The following HMGB1 variants were observed in gnomAD, a reference collection of about 807,000 sequenced individuals.
The protein encoded by HMGB1 is high mobility group box 1, also known as high mobility group protein B1.
For synonymous variants in HMGB1, 81 were observed against 84.0 expected (o/e 0.96, Z 0.19); for missense variants, 79 against 253.5 (o/e 0.31, Z 4.67).
At chr13:30,542,115 T>G (rs1429577971) in intron 1 of HMGB1, 1 of 153,772 alleles carries the variant, frequency 6.5e-6, no homozygotes, top group Non-Finnish European at 1.5e-5. Flanking sequence ...TCCAGAGTAG[T>G]GCGGCCCCGC....
At chr13:30,513,088 G>A (rs1888028015) in intron 1 of HMGB1, among the ~76,000 whole-genome samples, 1 of 152,092 alleles carries the variant, frequency 6.6e-6, no homozygotes, top group African/African-American at 2.4e-5. Context: ...GCTTGAACCT[G>A]GGAGGCAGAG....
At chr13:30,615,297 A>T (rs1253984477) in intron 1 of HMGB1, among the ~76,000 whole-genome samples, 1 of 152,232 alleles carries the variant, frequency 6.6e-6, no homozygotes, top group Non-Finnish European at 1.5e-5. Context: ...TGTTGCCAAA[A>T]ATATGAATAC....
chr13:30,465,607 C>G (rs1886736543), intron 1 of HMGB1, among the ~76,000 whole-genome samples, 189 bp downstream of exon 1: 1 of 151,434 alleles, frequency 6.6e-6, no homozygotes, highest in African/African-American at 2.4e-5. Context: ...GCCGGGGCAC[C>G]GGCGCGGGGC....
rs553654408 is a variant in HMGB1, at chr13:30,463,675, G to A, written c.6C>T (p.Gly2=). Residue 2 remains glycine, a synonymous_variant, in exon 2 of 5, where the codon GGC becomes GGT. Coordinates refer to ENST00000341423, the MANE Select transcript of HMGB1 (RefSeq NM_002128.7). M[G]KGDPKKPRGK... is the part of the protein sequence containing the mutation. ...CTCTCGGCTTCTTAGGATCTCCTTT[G>A]CCCATGTTTAGTTATTTTTCTAAAA... 15 of 1,552,562 alleles carry A rather than the reference G, an allele frequency of 9.7e-6. No individual in the cohort carries two copies. The highest frequency in any genetic ancestry group is 1.4e-5 in the African/African-American group (1 of 72,456).
chr13:30,492,921 G>T (rs1412525658), intron 1 of HMGB1, among the ~76,000 whole-genome samples: 1 of 150,826 alleles, frequency 6.6e-6, no homozygotes, highest in Non-Finnish European at 1.5e-5. Context: ...AACCTGGGAG[G>T]GGGAGGTTGC....
At chr13:30,586,382 T>G (rs2137547802) in intron 1 of HMGB1, among the ~76,000 whole-genome samples, 1 of 152,292 alleles carries the variant, frequency 6.6e-6, no homozygotes, top group Middle Eastern at 3.4e-3. Context: ...TGAACCTAGT[T>G]TTTTTCTCCC....
At chr13:30,473,962 T>C (rs1887007951) in intron 1 of HMGB1, among the ~76,000 whole-genome samples, 1 of 152,180 alleles carries the variant, frequency 6.6e-6, no homozygotes, top group South Asian at 2.1e-4. Flanking sequence ...AGGCCACATA[T>C]TGTATGATTC....
chr13:30,610,925 C>A (rs1330319773), intron 1 of HMGB1, among the ~76,000 whole-genome samples: 1 of 152,098 alleles, frequency 6.6e-6, no homozygotes, highest in Non-Finnish European at 1.5e-5. Flanking sequence ...AATCTGTTTT[C>A]ATTATTCATT....
intron 1 of HMGB1, among the ~76,000 whole-genome samples, chr13:30,600,509 T>C (rs1465505328): frequency 6.6e-6 from 1 of 152,184 alleles, no homozygotes; most frequent in South Asian, 2.1e-4. Context: ...CTGCTAGGAA[T>C]CAAGTATTCT....
intron 1 of HMGB1, among the ~76,000 whole-genome samples, chr13:30,545,021 TTC>T (rs1215353773): frequency 5.3e-5 from 8 of 152,236 alleles, no homozygotes; most frequent in Non-Finnish European, 1.0e-4. Context: ...TTGCAATATC[TTC>T]TCTCTTAAAA....
chr13:30,558,999 T>G (rs757943159), intron 1 of HMGB1, among the ~76,000 whole-genome samples: 5 of 152,242 alleles, frequency 3.3e-5, no homozygotes, highest in Non-Finnish European at 5.9e-5. Context: ...TGACTCACAG[T>G]AGGTGTTCAG....
chr13:30,538,786 T>TTTTTCTTTC, intron 1 of HMGB1, among the ~76,000 whole-genome samples: 1 of 47,298 alleles, frequency 2.1e-5, no homozygotes, highest in African/African-American at 7.9e-5. Context: ...TCCTTCTTTC[T>TTTTTCTTTC]TTTTCTTTCT....
intron 1 of HMGB1, chr13:30,554,247 T>C: frequency 2.1e-6 from 3 of 1,428,020 alleles, no homozygotes; most frequent in Non-Finnish European, 3.0e-6. Flanking sequence ...GCTTCATTTC[T>C]CAATTTCTTG....
chr13:30,466,829 A>G (rs1886801677), upstream of HMGB1, among the ~76,000 whole-genome samples: 1 of 152,194 alleles, frequency 6.6e-6, no homozygotes, highest in South Asian at 2.1e-4. Context: ...TTCATTAGAG[A>G]CCACATTCTA....
intron 1 of HMGB1, among the ~76,000 whole-genome samples, chr13:30,577,326 T>C (rs1484360824): frequency 1.4e-5 from 2 of 140,452 alleles, no homozygotes; most frequent in Non-Finnish European, 3.0e-5. Flanking sequence ...GGTGACAGCA[T>C]GAGACCCAGT....
At chr13:30,513,805 C>T (rs1258473085) in intron 1 of HMGB1, among the ~76,000 whole-genome samples, 1 of 152,214 alleles carries the variant, frequency 6.6e-6, no homozygotes, top group Non-Finnish European at 1.5e-5. Context: ...AAAGGCCCCA[C>T]TTCTCAATAC....
chr13:30,504,843 T>G (rs1015927428), intron 1 of HMGB1, among the ~76,000 whole-genome samples: 1 of 150,842 alleles, frequency 6.6e-6, no homozygotes, highest in African/African-American at 2.4e-5. Flanking sequence ...ACCAGCAGTG[T>G]TCCTACAAAA....
At chr13:30,612,634 AAAGT>A (rs1950523051) in intron 1 of HMGB1, among the ~76,000 whole-genome samples, 1 of 152,200 alleles carries the variant, frequency 6.6e-6, no homozygotes, top group Non-Finnish European at 1.5e-5. Flanking sequence ...AACTCTGGGG[AAAGT>A]AAGACTACCT....
chr13:30,480,930 A>G (rs916157334), intron 1 of HMGB1, among the ~76,000 whole-genome samples: 3 of 151,764 alleles, frequency 2.0e-5, no homozygotes, highest in African/African-American at 4.8e-5. Flanking sequence ...AAGGAAATCA[A>G]TAATCTCATC....
Sources: allele counts gnomAD v4.1 joint callset (sites outside exome capture counted in the v4.1 genomes callset), GRCh38; gene constraint gnomAD v4.1.1; transcripts MANE v1.5; gene names NCBI Gene and HGNC (gene_info 2026-07-23, HGNC 2026-07-21).